The following ARID3B variants were observed in gnomAD, a reference collection of about 807,000 sequenced individuals.
ARID3B encodes AT-rich interactive domain-containing protein 3B.
ARID3B carries 10 observed loss-of-function variants against 51.9 expected under a neutral mutation model. The observed-to-expected ratio is 0.19, with a 90% CI of 0.12 to 0.33. The LOEUF is 0.33. Among genes scored for constraint, ARID3B ranks in the 10% least tolerant of loss-of-function variants. The pLI, the probability that ARID3B is intolerant of heterozygous loss-of-function variation, is 1.00. For synonymous variants in ARID3B, 205 were observed against 279.5 expected, an observed-to-expected ratio of 0.73 and a Z score of 2.66; for missense variants, 483 against 716.3, an observed-to-expected ratio of 0.67 and a Z score of 3.72.
At position 74,595,954 on chromosome 15, in the gene ARID3B, G is replaced by A. The variant is rs2061823772; in HGVS notation, c.*180G>A. The A allele has an allele frequency of 2.8e-6, 2 of 725,790 alleles. No homozygotes were observed. Among genetic ancestry groups the A allele is most frequent in the African/African-American group, 3.6e-5 (2 of 55,674 alleles). The allele number at this position is 725,790 out of a possible 1,614,324, so 45.0% of individuals were successfully genotyped here. ...AGGTCCTGCTGTACTCTGGGGGCAGGGAGAGGCTAGAGGGGCAGGACAGAC... is the reference window on the plus strand; with the variant it reads ...AGGTCCTGCTGTACTCTGGGGGCAGAGAGAGGCTAGAGGGGCAGGACAGAC... On this transcript the variant is annotated 3_prime_UTR_variant, in exon 9 of 9. Coordinates refer to ENST00000346246, the MANE Select transcript of ARID3B (RefSeq NM_006465.4).
intron 5 of ARID3B, among the ~76,000 whole-genome samples, chr15:74,590,554 G>C (rs1183088385): frequency 6.6e-6 from 1 of 152,246 alleles, no homozygotes; most frequent in Non-Finnish European, 1.5e-5. Flanking sequence ...GGTGATGGAA[G>C]CGGTGAAACC....
rs563498891 is a variant in ARID3B at position 74,575,739 on chromosome 15, G to T, written c.697+2535G>T. On this transcript the variant is annotated intron_variant, in intron 4 of 8. Coordinates refer to ENST00000346246, the MANE Select transcript of ARID3B (RefSeq NM_006465.4). ...TGAGTAAATCTTTGTCCTGTCTTCA[G>T]CACTTACGTCAGGTATTTCACTGTT... 1.4e-3 allele frequency among the ~76,000 whole-genome samples: 217 copies of T among 152,230 alleles called. 2 individuals are homozygous for T. The highest frequency in any genetic ancestry group is 4.6e-3 in the African/African-American group (192 of 41,524).
rs1228211830 is a variant in ARID3B at position 74,591,085 on chromosome 15, A to G, written c.882-66A>G. The G allele has an allele frequency of 6.6e-7, 1 of 1,525,626 alleles. No individual in the cohort carries two copies. The highest frequency in any genetic ancestry group is 8.8e-7 in the Non-Finnish European group (1 of 1,134,072). 94.5% of individuals were successfully genotyped at this position (1,525,626 alleles called of 1,614,324 possible). A position where few individuals can be genotyped will look rare whatever the true frequency, so the allele number is the denominator to read the frequency against. On this transcript the variant is annotated intron_variant, in intron 5 of 8. Coordinates refer to ENST00000346246, the MANE Select transcript of ARID3B (RefSeq NM_006465.4). This position sits in a 1 kb window ranked among gnomAD's most constrained non-coding sequence, Gnocchi z 5.8. ...CAGAGACTGCTTCCAGAGACCCACC[A>G]ACCTCAACTGGGTGGTCTCTGGTGC...
Position 74,543,873 on chromosome 15 carries a change from G to T in ARID3B, c.-64G>T. The T allele has an allele frequency of 6.5e-7, 1 of 1,545,574 alleles. No individual in the cohort carries two copies. Among genetic ancestry groups the T allele is most frequent in the Admixed American group, 1.9e-5 (1 of 51,408 alleles). On this transcript the variant is annotated 5_prime_UTR_variant, in exon 2 of 9. Coordinates refer to ENST00000346246, the MANE Select transcript of ARID3B (RefSeq NM_006465.4). ...TTAATCACTAAGGTTTAGACCCAGT[G>T]TGCCTGGTGGGCTGTGCCCAGGTTC...
intron 4 of ARID3B, among the ~76,000 whole-genome samples, chr15:74,579,006 G>A (rs2061748961): frequency 6.6e-6 from 1 of 152,250 alleles, no homozygotes; most frequent in Admixed American, 6.5e-5. Flanking sequence ...GGTGGGCTGT[G>A]AGAGGGGCCA....
intron 4 of ARID3B, among the ~76,000 whole-genome samples, chr15:74,589,158 G>T (rs1022766255): frequency 6.7e-6 from 1 of 150,150 alleles, no homozygotes; most frequent in Non-Finnish European, 1.5e-5. Context: ...CTTCCGAGTA[G>T]CTGGGACTAC....
At chr15:74,567,560 C>T (rs978525552) in intron 2 of ARID3B, among the ~76,000 whole-genome samples, 1 of 152,008 alleles carries the variant, frequency 6.6e-6, no homozygotes, top group Non-Finnish European at 1.5e-5. Context: ...AGAAAGGGCC[C>T]CTAGAGACCA....
Position 74,543,867 on chromosome 15 carries a change from C to T in ARID3B, c.-70C>T, listed in dbSNP as rs572772251. 5.2e-6 allele frequency: 8 copies of T among 1,537,904 alleles called. No individual in the cohort carries two copies. In the East Asian group the frequency reaches 1.6e-4, roughly 30 times the overall value. On this transcript the variant is annotated 5_prime_UTR_variant, in exon 2 of 9. Transcript: ENST00000346246. ...TTTCTGTTAATCACTAAGGTTTAGACCCAGTGTGCCTGGTGGGCTGTGCCC... is the reference window on the plus strand; with the variant it reads ...TTTCTGTTAATCACTAAGGTTTAGATCCAGTGTGCCTGGTGGGCTGTGCCC...
intron 2 of ARID3B, among the ~76,000 whole-genome samples, chr15:74,570,462 CAAAAAAAAAAAAAAAAAAAAA>C (rs71137395): frequency 4.8e-4 from 31 of 64,614 alleles, no homozygotes; most frequent in African/African-American, 6.4e-4. Flanking sequence ...CTATAATTAG[CAAAAAAAAAAAAAAAAAAAAA>C]AAAAAAAAAA....
chr15:74,561,736 C>G (rs1305455747), intron 2 of ARID3B, among the ~76,000 whole-genome samples: 1 of 152,128 alleles, frequency 6.6e-6, no homozygotes, highest in Admixed American at 6.5e-5. Context: ...GGAATAGTGC[C>G]TGGCAGGTAG....
intron 2 of ARID3B, among the ~76,000 whole-genome samples, chr15:74,547,091 A>G (rs1400281695): frequency 2.0e-5 from 3 of 152,118 alleles, no homozygotes; most frequent in Non-Finnish European, 4.4e-5. Flanking sequence ...GGAGTGCAAA[A>G]ATAGAATATC....
rs931109188 is a variant in ARID3B, at chr15:74,591,010, T to A, written c.882-141T>A. On this transcript the variant is annotated intron_variant, in intron 5 of 8. Coordinates refer to ENST00000346246, the MANE Select transcript of ARID3B (RefSeq NM_006465.4). The surrounding 1 kb of genome is among the most constrained non-coding windows in gnomAD (Gnocchi z 5.8). Reference sequence around the variant, plus strand: ...AGAGTGTCCGGCCATCCCAGACTTTTCTGCCAAGTATACCAAGGTTGCAAT... The same window carrying A: ...AGAGTGTCCGGCCATCCCAGACTTTACTGCCAAGTATACCAAGGTTGCAAT... The A allele has an allele frequency of 7.5e-7, 1 of 1,329,798 alleles. No individual in the cohort carries two copies. The highest frequency in any genetic ancestry group is 1.6e-5 in the South Asian group (1 of 64,224). The allele number at this position is 1,329,798 out of a possible 1,614,324, so 82.4% of individuals were successfully genotyped here.
At position 74,591,690 on chromosome 15, in the gene ARID3B, G is replaced by T; in HGVS notation, c.1296G>T (p.Glu432Asp). The change falls in exon 7 of 9, where the codon GAG becomes GAT. Residue 432 changes from glutamate to aspartate, a missense_variant. Coordinates refer to ENST00000346246, the MANE Select transcript of ARID3B (RefSeq NM_006465.4). This position sits in a 1 kb window ranked among gnomAD's most constrained non-coding sequence, Gnocchi z 5.8. ...TGCGGGAGCGGCTGGAGTCAGGGGA[G>T]CCTGCTGAGAAGAAGGCATCGAGGC... The part of the protein sequence containing the change: ...EQLRERLESG[E>D]PAEKKASRLS... The T allele has an allele frequency of 6.2e-7, 1 of 1,612,654 alleles. No homozygotes were observed. The highest frequency in any genetic ancestry group is 8.5e-7 in the Non-Finnish European group (1 of 1,179,506).
chr15:74,573,487 A>G (rs984763375), intron 4 of ARID3B: 1 of 457,360 alleles, frequency 2.2e-6, no homozygotes, highest in South Asian at 2.4e-5. Context: ...TCAAATTCAA[A>G]TATGCCTTTT....
intron 8 of ARID3B, among the ~76,000 whole-genome samples, chr15:74,594,381 G>C (rs2061815970): frequency 6.6e-6 from 1 of 152,202 alleles, no homozygotes; most frequent in Admixed American, 6.5e-5. Flanking sequence ...CTGGGAGGCA[G>C]AGCTTGCAGT....
intron 4 of ARID3B, among the ~76,000 whole-genome samples, chr15:74,584,224 C>G (rs1050227965): frequency 3.3e-5 from 5 of 152,154 alleles, no homozygotes; most frequent in Non-Finnish European, 5.9e-5. Context: ...GTGATATTCT[C>G]TATATGAACA....
At position 74,541,246 on chromosome 15, in the gene ARID3B, C is replaced by G. The variant is rs1247258023; in HGVS notation, c.-162C>G. ...CCGCCCCGGCTGTGGCCCCCGGCTGCGGAGGAGTCCGAGACGCAGCTGCCG... is the reference window on the plus strand; with the variant it reads ...CCGCCCCGGCTGTGGCCCCCGGCTGGGGAGGAGTCCGAGACGCAGCTGCCG... On this transcript the variant is annotated 5_prime_UTR_variant, in exon 1 of 9. Transcript: ENST00000346246. 6.6e-6 allele frequency: 1 copy of G among 151,808 alleles called. No individual in the cohort carries two copies. Among genetic ancestry groups the G allele is most frequent in the Non-Finnish European group, 1.5e-5 (1 of 67,942 alleles). The allele number at this position is 151,808 out of a possible 1,614,324, so 9.4% of individuals were successfully genotyped here.
intron 2 of ARID3B, among the ~76,000 whole-genome samples, chr15:74,560,834 A>G (rs2061677044): frequency 6.6e-6 from 1 of 152,212 alleles, no homozygotes; most frequent in Non-Finnish European, 1.5e-5. Context: ...GGGATAGATT[A>G]TTATAGATGT....
intron 4 of ARID3B, among the ~76,000 whole-genome samples, chr15:74,589,062 C>T (rs2061793480): frequency 1.3e-5 from 1 of 78,146 alleles, no homozygotes; most frequent in African/African-American, 7.1e-5. Flanking sequence ...GACAGTCTCA[C>T]TGTCGCCCAG....
Sources: gnomAD v4.1 joint callset for allele counts (sites outside exome capture counted in the v4.1 genomes callset) on GRCh38, gnomAD v4.1.1 for gene constraint, Gnocchi (gnomAD v3.1) non-coding constraint, MANE v1.5 for transcripts, NCBI Gene and HGNC (gene_info 2026-07-23, HGNC 2026-07-21) for gene names.